The following MTBP variants were observed in gnomAD, a reference collection of about 807,000 sequenced individuals.
MTBP encodes the protein MDM2 binding protein.
MTBP carries 101 observed loss-of-function variants against 117.0 expected under a neutral mutation model. That is an observed-to-expected ratio of 0.86 (90% CI 0.73 to 1.02). The LOEUF is 1.02. Ranked by LOEUF, MTBP falls within the 50% of genes least tolerant of loss-of-function variation. The probability of loss-of-function intolerance (pLI) is 0.00; values close to 1 mark genes in which losing one functional copy is unlikely to be tolerated. For synonymous variants in MTBP, 350 were observed against 351.5 expected (o/e 1.00, Z 0.05); for missense variants, 970 against 1,030.9 (o/e 0.94, Z 0.81).
At chr8:120,472,765 T>C (rs1477418707) in intron 11 of MTBP, 1 of 152,212 alleles carries the variant, frequency 6.6e-6, no homozygotes, top group Non-Finnish European at 1.5e-5. Context: ...CATTCCGTTA[T>C]TTAGAGCTAG....
intron 10 of MTBP, among the ~76,000 whole-genome samples, chr8:120,467,177 A>G (rs1237743358): frequency 6.6e-6 from 1 of 152,226 alleles, no homozygotes; most frequent in Non-Finnish European, 1.5e-5. Flanking sequence ...GGAAAAGACA[A>G]GATAGGATTG....
intron 16 of MTBP, among the ~76,000 whole-genome samples, chr8:120,508,611 A>G (rs1487945621): frequency 6.6e-6 from 1 of 152,194 alleles, no homozygotes; most frequent in Admixed American, 6.5e-5. Flanking sequence ...TGCTTATCAT[A>G]GTACCCTAGA....
intron 20 of MTBP, among the ~76,000 whole-genome samples, chr8:120,519,182 A>G (rs1425835512): frequency 6.2e-5 from 7 of 113,428 alleles, no homozygotes; most frequent in Non-Finnish European, 1.0e-4. Context: ...AAATGTTCTG[A>G]AAAAAAAAAA....
At chr8:120,509,009 C>T (rs1295025703) in intron 16 of MTBP, among the ~76,000 whole-genome samples, 1 of 152,012 alleles carries the variant, frequency 6.6e-6, no homozygotes, top group Non-Finnish European at 1.5e-5. Context: ...TATGTAAACT[C>T]GACATATGAT....
intron 8 of MTBP, among the ~76,000 whole-genome samples, chr8:120,459,992 A>G (rs1397384808): frequency 6.6e-6 from 1 of 152,144 alleles, no homozygotes; most frequent in Non-Finnish European, 1.5e-5. Context: ...CTAAGAAGAG[A>G]TATTTATATG....
intron 11 of MTBP, among the ~76,000 whole-genome samples, chr8:120,481,759 T>C (rs1164439243): frequency 6.6e-6 from 1 of 152,218 alleles, no homozygotes; most frequent in Non-Finnish European, 1.5e-5. Context: ...CTTTAATATA[T>C]ATGTACATAC....
intron 10 of MTBP, among the ~76,000 whole-genome samples, chr8:120,469,629 T>C (rs894128736): frequency 3.9e-5 from 6 of 152,232 alleles, no homozygotes; most frequent in Non-Finnish European, 7.3e-5. Flanking sequence ...TGACCCATTT[T>C]GAACTCGAAT....
intron 5 of MTBP, among the ~76,000 whole-genome samples, chr8:120,455,115 G>A (rs886080296): frequency 1.3e-5 from 2 of 151,696 alleles, no homozygotes; most frequent in Non-Finnish European, 1.5e-5. Flanking sequence ...ATGATCATGA[G>A]AGTGATGTGT....
intron 12 of MTBP, among the ~76,000 whole-genome samples, chr8:120,489,800 C>T (rs1814304944): frequency 6.6e-6 from 1 of 152,116 alleles, no homozygotes; most frequent in South Asian, 2.1e-4. Context: ...CCATTTGCAC[C>T]ACAGCTAAGG....
intron 9 of MTBP, 89 bp from the exon 10 acceptor site, chr8:120,463,603 T>G: frequency 9.3e-7 from 1 of 1,070,734 alleles, no homozygotes; most frequent in South Asian, 2.0e-5. Context: ...TTTAAGCAAC[T>G]GTGGAAGAAT....
intron 14 of MTBP, among the ~76,000 whole-genome samples, chr8:120,501,428 A>G (rs1210639345): frequency 6.6e-6 from 1 of 151,664 alleles, no homozygotes; most frequent in Non-Finnish European, 1.5e-5. Context: ...ATGTACCTGT[A>G]ATCCCAGCTA....
At chr8:120,513,850 C>CT (rs912311408) in intron 17 of MTBP, among the ~76,000 whole-genome samples, 2 of 151,886 alleles carry the variant, frequency 1.3e-5, no homozygotes, top group Non-Finnish European at 2.9e-5. Flanking sequence ...ATCAGTAACC[C>CT]TTAGGGTTGC....
intron 7 of MTBP, among the ~76,000 whole-genome samples, chr8:120,458,395 A>G (rs910321521): frequency 6.6e-6 from 1 of 152,216 alleles, no homozygotes; most frequent in Non-Finnish European, 1.5e-5. Context: ...AGCACAGAGT[A>G]ACCACTCAGT....
chr8:120,457,417 T>G (rs1813491726), intron 7 of MTBP, among the ~76,000 whole-genome samples: 1 of 152,208 alleles, frequency 6.6e-6, no homozygotes, highest in Admixed American at 6.5e-5. Context: ...GAGTAGACTT[T>G]TGAGTTCCTC....
chr8:120,475,643 G>T (rs1320161650), intron 11 of MTBP, among the ~76,000 whole-genome samples: 1 of 151,844 alleles, frequency 6.6e-6, no homozygotes, highest in Non-Finnish European at 1.5e-5. Flanking sequence ...GTAAATGAAT[G>T]CCTTTTAAAA....
intron 8 of MTBP, among the ~76,000 whole-genome samples, chr8:120,460,827 A>G (rs1210526445): frequency 2.0e-5 from 3 of 152,100 alleles, no homozygotes; most frequent in South Asian, 2.1e-4. Context: ...CTTCAACACT[A>G]TAGCCTATTG....
At chr8:120,492,146 G>A (rs1814359807) in intron 13 of MTBP, among the ~76,000 whole-genome samples, 1 of 152,182 alleles carries the variant, frequency 6.6e-6, no homozygotes, top group Non-Finnish European at 1.5e-5. Flanking sequence ...CCATGAAATG[G>A]CCAATTTGCG....
chr8:120,515,242 A>AG (rs1197510372), intron 17 of MTBP, among the ~76,000 whole-genome samples: 1 of 152,032 alleles, frequency 6.6e-6, no homozygotes, highest in Non-Finnish European at 1.5e-5. Context: ...GAGTTGTCCA[A>AG]GGTCACACAG....
Position 120,509,916 on chromosome 8 carries a change from A to T in MTBP, c.1884-18A>T. ...AGTAAATAAACTTTGAATACAAATG[A>T]AAAATTTTTTGTTTCAGGGAAAAGA... is the stretch of plus-strand genomic sequence containing the variant. On this transcript the variant is annotated intron_variant, in intron 16 of 21. Coordinates refer to ENST00000305949, the MANE Select transcript of MTBP (RefSeq NM_022045.5). 1 of 1,576,774 alleles carries T rather than the reference A, an allele frequency of 6.3e-7. No individual in the cohort carries two copies. The highest frequency in any genetic ancestry group is 8.7e-7 in the Non-Finnish European group (1 of 1,154,978).
Sources: allele counts gnomAD v4.1 joint callset (sites outside exome capture counted in the v4.1 genomes callset), GRCh38; gene constraint gnomAD v4.1.1; transcripts MANE v1.5; gene names NCBI Gene and HGNC (gene_info 2026-07-23, HGNC 2026-07-21).